The following CTNNA2 variants were observed in gnomAD, a reference collection of about 807,000 sequenced individuals.
The protein encoded by CTNNA2 is catenin alpha 2.
A neutral mutation model predicts 101.0 loss-of-function variants in CTNNA2; 42 were observed. The ratio of observed to expected loss-of-function variants is 0.42; its 90% CI spans 0.32 to 0.54. CTNNA2 has a LOEUF of 0.54. Ranked by LOEUF, CTNNA2 falls within the 20% of genes least tolerant of loss-of-function variation. CTNNA2 has a pLI of 0.14. For missense variants in CTNNA2, 871 were observed against 1,223.1 expected (o/e 0.71, Z 4.29); for synonymous variants, 450 against 456.4 (o/e 0.99, Z 0.18).
intron 2 of CTNNA2, among the ~76,000 whole-genome samples, chr2:79,727,930 G>A (rs531519400): frequency 3.9e-5 from 6 of 151,922 alleles, no homozygotes; most frequent in Non-Finnish European, 5.9e-5. Flanking sequence ...TGGCTGCATA[G>A]TATTCCATGG....
intron 3 of CTNNA2, among the ~76,000 whole-genome samples, chr2:79,348,146 C>T (rs567842380): frequency 6.6e-5 from 10 of 152,162 alleles, no homozygotes; most frequent in Admixed American, 5.9e-4. Flanking sequence ...AAATGCAAAA[C>T]GACTTACTTT....
At chr2:80,021,817 C>T (rs1227918611) in intron 7 of CTNNA2, among the ~76,000 whole-genome samples, 1 of 152,056 alleles carries the variant, frequency 6.6e-6, no homozygotes, top group East Asian at 1.9e-4. Context: ...GAACTTACTC[C>T]TCCTAATGAA....
chr2:80,112,099 A>G (rs1278613095), intron 7 of CTNNA2, among the ~76,000 whole-genome samples: 2 of 152,188 alleles, frequency 1.3e-5, no homozygotes, highest in Admixed American at 6.5e-5. Flanking sequence ...AATGTACAAT[A>G]TAGTTTCAAA....
chr2:80,489,968 A>G (rs1686910948), intron 9 of CTNNA2, among the ~76,000 whole-genome samples: 1 of 152,150 alleles, frequency 6.6e-6, no homozygotes, highest in South Asian at 2.1e-4. Flanking sequence ...GTCCGAGGGG[A>G]TGGAAAAGGG....
chr2:80,325,963 C>T (rs1041947517), intron 7 of CTNNA2, among the ~76,000 whole-genome samples: 5 of 152,150 alleles, frequency 3.3e-5, no homozygotes, highest in South Asian at 2.1e-4. Context: ...TGTGATTCTC[C>T]GTCCAGCGGT....
chr2:80,608,587 A>G, intron 17 of CTNNA2: 2 of 277,058 alleles, frequency 7.2e-6, no homozygotes, highest in Non-Finnish European at 6.9e-6. Flanking sequence ...ACTCATTGCC[A>G]AGCTGTGACT....
intron 9 of CTNNA2, among the ~76,000 whole-genome samples, chr2:80,455,470 G>C (rs904901418): frequency 1.3e-5 from 2 of 152,188 alleles, no homozygotes; most frequent in African/African-American, 4.8e-5. Context: ...GGCATGAGTA[G>C]AGGAGAGGAA....
chr2:79,813,755 A>G (rs903082465), intron 3 of CTNNA2, among the ~76,000 whole-genome samples: 1 of 152,146 alleles, frequency 6.6e-6, no homozygotes, highest in Non-Finnish European at 1.5e-5. Flanking sequence ...AAAGCTAAGG[A>G]CCTTCTTTTA....
chr2:80,565,268 C>T (rs1693954732), intron 12 of CTNNA2, among the ~76,000 whole-genome samples: 1 of 152,094 alleles, frequency 6.6e-6, no homozygotes, highest in Admixed American at 6.6e-5. Flanking sequence ...CCATGTTTAA[C>T]ATTGGCCTTC....
chr2:80,097,645 A>T (rs1311950634), intron 7 of CTNNA2, among the ~76,000 whole-genome samples: 2 of 152,162 alleles, frequency 1.3e-5, no homozygotes, highest in African/African-American at 4.8e-5. Context: ...AGGTACACCA[A>T]TCAGATGTAG....
At chr2:79,985,120 C>T (rs1428589915) in intron 7 of CTNNA2, among the ~76,000 whole-genome samples, 1 of 152,172 alleles carries the variant, frequency 6.6e-6, no homozygotes, top group Non-Finnish European at 1.5e-5. Flanking sequence ...ACCCAAAGCA[C>T]AGCACTTCCC....
At chr2:79,701,309 G>T (rs958072237) in intron 2 of CTNNA2, among the ~76,000 whole-genome samples, 1 of 152,062 alleles carries the variant, frequency 6.6e-6, no homozygotes, top group Non-Finnish European at 1.5e-5. Context: ...TGATGTCAGG[G>T]TCTTATGCCA....
At chr2:79,538,408 C>G (rs867247926) in intron 1 of CTNNA2, among the ~76,000 whole-genome samples, 1 of 152,018 alleles carries the variant, frequency 6.6e-6, no homozygotes, top group African/African-American at 2.4e-5. Context: ...AACATGCCAG[C>G]CTTGTTTATT....
At chr2:80,255,054 A>G (rs1672037939) in intron 7 of CTNNA2, among the ~76,000 whole-genome samples, 1 of 152,168 alleles carries the variant, frequency 6.6e-6, no homozygotes, top group African/African-American at 2.4e-5. Flanking sequence ...GGGTCCTGAC[A>G]TGGCAGGAGT....
chr2:80,175,172 G>T (rs2148969224), intron 7 of CTNNA2, among the ~76,000 whole-genome samples: 1 of 152,186 alleles, frequency 6.6e-6, no homozygotes, highest in Non-Finnish European at 1.5e-5. Flanking sequence ...CTTTGCGTAT[G>T]CTCTTCCCTG....
intron 4 of CTNNA2, among the ~76,000 whole-genome samples, chr2:79,423,843 C>T (rs765558051): frequency 9.9e-5 from 15 of 152,078 alleles, no homozygotes; most frequent in Admixed American, 6.6e-4. Context: ...CTAATCGGGA[C>T]GCTTGTTAAT....
intron 7 of CTNNA2, among the ~76,000 whole-genome samples, chr2:80,023,870 G>A (rs1455929381): frequency 6.6e-6 from 1 of 151,988 alleles, no homozygotes; most frequent in African/African-American, 2.4e-5. Flanking sequence ...GGCGGATCAC[G>A]AGGTCAGGAG....
intron 2 of CTNNA2, among the ~76,000 whole-genome samples, chr2:79,707,776 A>G (rs1685480569): frequency 6.6e-6 from 1 of 152,154 alleles, no homozygotes; most frequent in African/African-American, 2.4e-5. Flanking sequence ...TCATCCAGTG[A>G]GGTCGTGGAA....
chr2:80,400,005 G>C (rs545684955), intron 8 of CTNNA2, among the ~76,000 whole-genome samples: 3 of 152,218 alleles, frequency 2.0e-5, no homozygotes, highest in Non-Finnish European at 4.4e-5. Context: ...TTTAGACTGG[G>C]ATTCTTATCC....
Sources: allele counts gnomAD v4.1 joint callset (sites outside exome capture counted in the v4.1 genomes callset), GRCh38; gene constraint gnomAD v4.1.1; transcripts MANE v1.5; gene names NCBI Gene and HGNC (gene_info 2026-07-23, HGNC 2026-07-21).